The following DPP10 variants were observed in gnomAD, a reference collection of about 807,000 sequenced individuals.
DPP10 encodes inactive dipeptidyl peptidase 10.
Under a neutral mutation model 120.9 loss-of-function variants are expected in DPP10, and 33 were observed. The ratio of observed to expected loss-of-function variants is 0.27; its 90% CI spans 0.21 to 0.37. The LOEUF (loss-of-function observed/expected upper bound fraction) is 0.37, where lower values mean the gene tolerates loss of function less well. Ranked by LOEUF, DPP10 falls within the 10% of genes least tolerant of loss-of-function variation. The pLI is 1.00. For missense variants in DPP10, 816 were observed against 942.8 expected, an observed-to-expected ratio of 0.87 and a Z score of 1.76; for synonymous variants, 337 against 326.1, an observed-to-expected ratio of 1.03 and a Z score of -0.36.
At chr2:115,813,368 C>T (rs1378589837) in intron 19 of DPP10, among the ~76,000 whole-genome samples, 6 of 152,150 alleles carry the variant, frequency 3.9e-5, no homozygotes, top group Admixed American at 3.3e-4. Flanking sequence ...GCCCTCTTTG[C>T]GCCTCTTCAT....
chr2:114,465,973 C>T (rs1679332796), intron 1 of DPP10, among the ~76,000 whole-genome samples: 2 of 152,146 alleles, frequency 1.3e-5, no homozygotes, highest in Non-Finnish European at 1.5e-5. Context: ...TGTTGTTAAC[C>T]AACCTTTGGC....
intron 1 of DPP10, among the ~76,000 whole-genome samples, chr2:114,702,147 G>A (rs775544778): frequency 1.4e-4 from 21 of 152,066 alleles, no homozygotes; most frequent in Non-Finnish European, 2.6e-4. Context: ...GGAAGGTGGG[G>A]CCATGTATTG....
chr2:114,658,834 AC>A (rs1307483223), intron 1 of DPP10, among the ~76,000 whole-genome samples: 2 of 152,122 alleles, frequency 1.3e-5, no homozygotes, highest in Non-Finnish European at 2.9e-5. Flanking sequence ...AGACATTTAG[AC>A]TGTGCTATGG....
chr2:115,352,472 G>A (rs1559470713), intron 3 of DPP10, among the ~76,000 whole-genome samples: 1 of 152,130 alleles, frequency 6.6e-6, no homozygotes, highest in African/African-American at 2.4e-5. Context: ...GATGGCCCAG[G>A]AAATCTGTTT....
At chr2:115,344,973 T>C (rs1436467148) in intron 3 of DPP10, among the ~76,000 whole-genome samples, 3 of 152,202 alleles carry the variant, frequency 2.0e-5, no homozygotes, top group Non-Finnish European at 4.4e-5. Context: ...AATTAAACTT[T>C]AATTTATGGA....
chr2:115,114,049 C>T (rs1559111158), intron 1 of DPP10, among the ~76,000 whole-genome samples: 2 of 152,164 alleles, frequency 1.3e-5, no homozygotes, highest in Admixed American at 1.3e-4. Context: ...TTATCTACAG[C>T]TTCTGAGATG....
intron 7 of DPP10, among the ~76,000 whole-genome samples, chr2:115,694,319 G>A (rs1050597948): frequency 6.6e-6 from 1 of 152,016 alleles, no homozygotes; most frequent in Non-Finnish European, 1.5e-5. Flanking sequence ...ACTAACTAAG[G>A]ATAATTAATT....
intron 1 of DPP10, among the ~76,000 whole-genome samples, chr2:114,506,625 T>A (rs1392322175): frequency 6.6e-6 from 1 of 151,884 alleles, no homozygotes; most frequent in Non-Finnish European, 1.5e-5. Flanking sequence ...TGCTGTGGGG[T>A]CTGCACAAAG....
chr2:115,397,994 G>A (rs1232392064), intron 3 of DPP10, among the ~76,000 whole-genome samples: 2 of 152,158 alleles, frequency 1.3e-5, no homozygotes, highest in Non-Finnish European at 2.9e-5. Context: ...TAGAAAAAAT[G>A]TTCACGGCCA....
intron 5 of DPP10, among the ~76,000 whole-genome samples, chr2:115,551,838 T>C (rs1039883174): frequency 2.6e-5 from 4 of 152,122 alleles, no homozygotes; most frequent in African/African-American, 7.2e-5. Flanking sequence ...TAGAAATCTT[T>C]TCAGCTACAA....
intron 1 of DPP10, among the ~76,000 whole-genome samples, chr2:115,192,943 C>T (rs1277700754): frequency 2.0e-5 from 3 of 151,578 alleles, no homozygotes; most frequent in Non-Finnish European, 2.9e-5. Flanking sequence ...TTACAATTAA[C>T]GTTTCAAAAC....
intron 1 of DPP10, among the ~76,000 whole-genome samples, chr2:114,949,075 C>T (rs1191447348): frequency 6.6e-6 from 1 of 152,028 alleles, no homozygotes; most frequent in East Asian, 1.9e-4. Flanking sequence ...CAGGTGTGTG[C>T]CACCACACCC....
intron 1 of DPP10, among the ~76,000 whole-genome samples, chr2:115,036,387 T>C (rs1317581433): frequency 6.6e-6 from 1 of 152,214 alleles, no homozygotes; most frequent in Non-Finnish European, 1.5e-5. Flanking sequence ...CCTAAAATGC[T>C]CTTTGGTTAG....
intron 5 of DPP10, among the ~76,000 whole-genome samples, chr2:115,638,145 C>T (rs1387253771): frequency 3.3e-5 from 5 of 152,120 alleles, no homozygotes; most frequent in Non-Finnish European, 5.9e-5. Flanking sequence ...TGGGTACTGC[C>T]TTCTGATTCT....
At chr2:115,250,546 T>G (rs1483733768) in intron 1 of DPP10, among the ~76,000 whole-genome samples, 1 of 152,138 alleles carries the variant, frequency 6.6e-6, no homozygotes, top group East Asian at 1.9e-4. Flanking sequence ...TGGGAGACAC[T>G]GTGAGGCCAT....
chr2:114,643,854 G>C (rs1209755760), intron 1 of DPP10, among the ~76,000 whole-genome samples: 1 of 149,674 alleles, frequency 6.7e-6, no homozygotes, highest in Non-Finnish European at 1.5e-5. Flanking sequence ...AAACCCACTT[G>C]ATTAGTGTGT....
Position 114,912,347 on chromosome 2 carries a change from T to G in DPP10, c.61-396892T>G, listed in dbSNP as rs538223823. The stretch of plus-strand genomic sequence containing the variant: ...ACTATACAGATCCTGCCTTGTACGA[T>G]GACATCTAGCTCTCCAAGAATCAGA... On this transcript the variant is annotated intron_variant, in intron 1 of 25. Coordinates refer to ENST00000410059, the MANE Select transcript of DPP10 (RefSeq NM_020868.6). 1.3e-4 allele frequency among the ~76,000 whole-genome samples: 20 copies of G among 152,316 alleles called. No individual in the cohort carries two copies. The South Asian group carries it at 4.1e-3, about 32-fold the overall frequency.
intron 5 of DPP10, among the ~76,000 whole-genome samples, chr2:115,684,522 G>C (rs1275436295): frequency 2.6e-5 from 4 of 151,746 alleles, no homozygotes; most frequent in Non-Finnish European, 5.9e-5. Flanking sequence ...CTTTCTCACA[G>C]TTCAGTTTTC....
chr2:115,257,722 A>T (rs746184310), intron 1 of DPP10, among the ~76,000 whole-genome samples: 8 of 152,292 alleles, frequency 5.3e-5, no homozygotes, highest in Non-Finnish European at 1.2e-4. Flanking sequence ...CCTTAGTTTC[A>T]GATGTTGAGT....
Sources: allele counts gnomAD v4.1 joint callset (sites outside exome capture counted in the v4.1 genomes callset), GRCh38; gene constraint gnomAD v4.1.1; transcripts MANE v1.5; gene names NCBI Gene and HGNC (gene_info 2026-07-23, HGNC 2026-07-21).